The following ACYP2 variants were observed in gnomAD, a reference collection of about 807,000 sequenced individuals.
ACYP2 encodes the protein acylphosphatase-2.
ACYP2 carries 12 observed loss-of-function variants against 11.2 expected under a neutral mutation model. That is an observed-to-expected ratio of 1.08 (90% CI 0.69 to 1.74). The LOEUF is 1.74. Ranked by LOEUF, ACYP2 falls within the 40% of genes most tolerant of loss-of-function variation. ACYP2 has a pLI of 0.00. For synonymous variants in ACYP2, 43 were observed against 32.2 expected, an observed-to-expected ratio of 1.33 and a Z score of -1.13; for missense variants, 134 against 101.9, an observed-to-expected ratio of 1.31 and a Z score of -1.35.
intron 2 of ACYP2, among the ~76,000 whole-genome samples, chr2:54,014,734 T>A (rs953681718): frequency 1.6e-4 from 25 of 151,706 alleles, no homozygotes; most frequent in Admixed American, 6.6e-4. Flanking sequence ...AAAAAAAAAA[T>A]TTTTTTTCTT....
chr2:54,234,996 A>G (rs186387469), intron 6 of ACYP2, among the ~76,000 whole-genome samples: 3 of 152,350 alleles, frequency 2.0e-5, no homozygotes, highest in Admixed American at 1.3e-4. Flanking sequence ...ACAAGTTAGC[A>G]TAAGTTTATT....
intron 6 of ACYP2, among the ~76,000 whole-genome samples, chr2:54,285,339 C>T (rs890699302): frequency 5.9e-5 from 9 of 152,192 alleles, no homozygotes; most frequent in South Asian, 2.1e-4. Flanking sequence ...CTCACTTGCT[C>T]CATCTTCTCA....
intron 4 of ACYP2, among the ~76,000 whole-genome samples, chr2:54,114,666 AAG>A (rs1679650426): frequency 6.6e-6 from 1 of 152,208 alleles, no homozygotes; most frequent in African/African-American, 2.4e-5. Context: ...TCTGGGAGAC[AAG>A]AGCGAAACTC....
At chr2:54,173,455 T>C (rs1044694508) in intron 6 of ACYP2, among the ~76,000 whole-genome samples, 3 of 152,234 alleles carry the variant, frequency 2.0e-5, no homozygotes, top group African/African-American at 7.2e-5. Context: ...CTTTGTCAGA[T>C]GGGTAGATTG....
chr2:54,073,752 A>G (rs1677184540), intron 4 of ACYP2, among the ~76,000 whole-genome samples: 1 of 152,262 alleles, frequency 6.6e-6, no homozygotes, highest in Admixed American at 6.5e-5. Context: ...GAAGATTTAC[A>G]AATGGCCAAT....
chr2:54,127,007 T>C (rs1020535658), intron 4 of ACYP2, among the ~76,000 whole-genome samples: 1 of 150,904 alleles, frequency 6.6e-6, no homozygotes, highest in Admixed American at 6.6e-5. Flanking sequence ...TGAAAGATTA[T>C]AGGCAGTTGC....
intron 4 of ACYP2, among the ~76,000 whole-genome samples, chr2:54,079,547 C>T (rs990360155): frequency 6.6e-6 from 1 of 152,170 alleles, no homozygotes; most frequent in African/African-American, 2.4e-5. Context: ...AAGTCAGCTC[C>T]ATTGTCACTG....
At chr2:54,089,384 C>T (rs1000171918) in intron 4 of ACYP2, among the ~76,000 whole-genome samples, 14 of 150,856 alleles carry the variant, frequency 9.3e-5, no homozygotes, top group Admixed American at 4.0e-4. Context: ...TTGCTTGAGG[C>T]CAGAAGTTCA....
intron 6 of ACYP2, among the ~76,000 whole-genome samples, chr2:54,221,446 A>G (rs186258172): frequency 1.4e-4 from 22 of 152,098 alleles, no homozygotes; most frequent in African/African-American, 5.1e-4. Flanking sequence ...CACTTAAAAC[A>G]CGAATTATAA....
chr2:53,986,661 G>C (rs543222292), intron 2 of ACYP2, among the ~76,000 whole-genome samples: 3 of 140,894 alleles, frequency 2.1e-5, no homozygotes, highest in Non-Finnish European at 4.5e-5. Context: ...GTTTCACTCT[G>C]TTGCCCAGGA....
chr2:53,987,347 G>A (rs1379038719), intron 2 of ACYP2, among the ~76,000 whole-genome samples: 3 of 148,248 alleles, frequency 2.0e-5, no homozygotes, highest in Admixed American at 1.4e-4. Flanking sequence ...TTTTATGTAT[G>A]TATACAAAGT....
intron 2 of ACYP2, among the ~76,000 whole-genome samples, chr2:53,984,690 G>A (rs1256951250): frequency 1.3e-5 from 2 of 151,208 alleles, no homozygotes; most frequent in Admixed American, 1.3e-4. Context: ...TTGGGACCAA[G>A]CAAGGTTTAT....
At chr2:54,034,130 G>A (rs1485743774) in intron 2 of ACYP2, among the ~76,000 whole-genome samples, 2 of 152,158 alleles carry the variant, frequency 1.3e-5, no homozygotes, top group Non-Finnish European at 2.9e-5. Context: ...GGCCAAGGTG[G>A]GTGGATCACT....
At chr2:54,096,156 C>T (rs1189902512) in intron 4 of ACYP2, among the ~76,000 whole-genome samples, 4 of 140,038 alleles carry the variant, frequency 2.9e-5, no homozygotes, top group East Asian at 2.2e-4. Flanking sequence ...ACTTCTCGGA[C>T]GGGGCGGCTG....
At chr2:54,010,366 C>T (rs1673291292) in intron 2 of ACYP2, among the ~76,000 whole-genome samples, 1 of 152,078 alleles carries the variant, frequency 6.6e-6, no homozygotes, top group African/African-American at 2.4e-5. Flanking sequence ...CACCTGTAAT[C>T]CCAGCTACTC....
At chr2:54,204,278 C>G (rs1684982451) in intron 6 of ACYP2, among the ~76,000 whole-genome samples, 1 of 151,494 alleles carries the variant, frequency 6.6e-6, no homozygotes, top group African/African-American at 2.4e-5. Flanking sequence ...CTGGCATGAG[C>G]CACTGCGCCC....
rs538121233 is a variant in ACYP2 at position 54,244,850 on chromosome 2, A to G, written c.405-59838A>G. ...TAGTGATCAGATCAGGATAATCAGC[A>G]TATCCATAATCTCAAACATTTATAA... On this transcript the variant is annotated intron_variant, in intron 6 of 6. Transcript: ENST00000607452. 3.3e-5 allele frequency among the ~76,000 whole-genome samples: 5 copies of G among 152,344 alleles called. No homozygotes were observed. In the East Asian group the frequency reaches 7.7e-4, roughly 23 times the overall value.
At chr2:54,284,450 T>C (rs1376911740) in intron 6 of ACYP2, among the ~76,000 whole-genome samples, 1 of 152,214 alleles carries the variant, frequency 6.6e-6, no homozygotes, top group Non-Finnish European at 1.5e-5. Flanking sequence ...TATTTCCTCT[T>C]GGTCTCATTC....
At chr2:53,994,218 T>C (rs541659803) in intron 2 of ACYP2, among the ~76,000 whole-genome samples, 2 of 149,294 alleles carry the variant, frequency 1.3e-5, no homozygotes, top group Non-Finnish European at 2.9e-5. Flanking sequence ...TAGCCCCAGC[T>C]ACTCGGAAGG....
Sources: gnomAD v4.1 joint callset for allele counts (sites outside exome capture counted in the v4.1 genomes callset) on GRCh38, gnomAD v4.1.1 for gene constraint, MANE v1.5 for transcripts, NCBI Gene and HGNC (gene_info 2026-07-23, HGNC 2026-07-21) for gene names.